TSBP1: variants seen among roughly 807,000 people sequenced by gnomAD.
The protein encoded by TSBP1 is testis-expressed basic protein 1.
In TSBP1, 56 loss-of-function variants were observed where a neutral mutation model predicts 68.8. The observed-to-expected ratio is 0.81, with a 90% confidence interval of 0.66 to 1.02. TSBP1 has a LOEUF of 1.02. Among genes scored for constraint, TSBP1 ranks in the 50% least tolerant of loss-of-function variants. TSBP1 has a pLI of 0.00. For synonymous variants in TSBP1, 171 were observed against 208.7 expected (o/e 0.82, Z 1.56); for missense variants, 502 against 641.2 (o/e 0.78, Z 2.34).
chr6:32,293,431 C>G, exon 23 of TSBP1: 1 of 1,613,052 alleles, frequency 6.2e-7, no homozygotes, highest in Non-Finnish European at 8.5e-7. Context: ...ACTCACTCTT[C>G]TCTACCTGGG....
intron 9 of TSBP1, among the ~76,000 whole-genome samples, chr6:32,345,329 G>A (rs947209022): frequency 6.6e-6 from 1 of 151,928 alleles, no homozygotes; most frequent in African/African-American, 2.4e-5. Context: ...ATGGTTCCTG[G>A]AATTGGCACT....
chr6:32,342,615 G>T (rs949772816), intron 9 of TSBP1, among the ~76,000 whole-genome samples: 2 of 152,180 alleles, frequency 1.3e-5, no homozygotes, highest in Non-Finnish European at 2.9e-5. Flanking sequence ...TCTAGAGTCT[G>T]CATACTTAAC....
At position 32,316,467 on chromosome 6, in the gene TSBP1, C is replaced by T. The variant is rs1465460793; in HGVS notation, c.560-675G>A. Reference sequence around the variant, plus strand: ...TTGTTTGAAAGGAGCAAGTTTCCTTCTAGGGAGAGATATTTGTGTTGGGGA... The same window carrying T: ...TTGTTTGAAAGGAGCAAGTTTCCTTTTAGGGAGAGATATTTGTGTTGGGGA... On this transcript the variant is annotated intron_variant, in intron 18 of 22. Coordinates refer to ENST00000612031, the Ensembl canonical transcript of TSBP1. This position sits in a 1 kb window ranked among gnomAD's most constrained non-coding sequence, Gnocchi z 4.5. 2 of 1,462,046 alleles carry T rather than the reference C, an allele frequency of 1.4e-6. No individual in the cohort carries two copies. The highest frequency in any genetic ancestry group is 1.9e-6 in the Non-Finnish European group (2 of 1,069,054). 90.6% of individuals were successfully genotyped at this position (1,462,046 alleles called of 1,614,324 possible). A position where few individuals can be genotyped will look rare whatever the true frequency, so the allele number is the denominator to read the frequency against.
intron 8 of TSBP1, among the ~76,000 whole-genome samples, chr6:32,350,514 C>G (rs895867103): frequency 6.6e-6 from 1 of 152,174 alleles, no homozygotes; most frequent in African/African-American, 2.4e-5. Flanking sequence ...AACCCATATT[C>G]TTGGTAATGA....
intron 9 of TSBP1, among the ~76,000 whole-genome samples, chr6:32,341,445 G>A (rs998533484): frequency 1.1e-4 from 17 of 152,106 alleles, no homozygotes; most frequent in African/African-American, 3.9e-4. Flanking sequence ...AGTTATAAGG[G>A]ATAGAGATGG....
Position 32,296,637 on chromosome 6 carries a change from C to T in TSBP1, c.638-2602G>A, listed in dbSNP as rs567465896. Among the ~76,000 whole-genome samples the T allele has an allele frequency of 2.9e-3, 447 of 152,274 alleles. 1 individual carries two copies. The highest frequency in any genetic ancestry group is 0.01 in the African/African-American group (416 of 41,566). On this transcript the variant is annotated intron_variant, in intron 22 of 22. Coordinates refer to ENST00000612031, the Ensembl canonical transcript of TSBP1. Reference sequence around the variant, plus strand: ...GGTGTGGAATGGTAAGATCATGCTCCGCTGAAGTTTCTAACCTTAAGAATT... The same window carrying T: ...GGTGTGGAATGGTAAGATCATGCTCTGCTGAAGTTTCTAACCTTAAGAATT...
At position 32,361,277 on chromosome 6, in the gene TSBP1, C is replaced by T. The variant is rs1456907407; in HGVS notation, c.217+4890G>A. 6.6e-6 allele frequency among the ~76,000 whole-genome samples: 1 copy of T among 152,100 alleles called. No homozygotes were observed. The highest frequency in any genetic ancestry group is 6.5e-5 in the Admixed American group (1 of 15,270). ...GCCACATATTCTTAATCTGGTGTAT[C>T]ATTGATGGACTTTTGGGTTGGTTCC... On this transcript the variant is annotated intron_variant, in intron 6 of 22. Coordinates refer to ENST00000612031, the Ensembl canonical transcript of TSBP1. The surrounding 1 kb of genome is among the most constrained non-coding windows in gnomAD (Gnocchi z 4.3).
At chr6:32,330,254 T>C (rs1326124146) in intron 16 of TSBP1, among the ~76,000 whole-genome samples, 1 of 152,212 alleles carries the variant, frequency 6.6e-6, no homozygotes, top group Non-Finnish European at 1.5e-5. Context: ...GTCTCCTCCA[T>C]TATCTTTGAG....
Position 32,337,154 on chromosome 6 carries a change from C to T in TSBP1, c.410-519G>A, listed in dbSNP as rs1769772706. On this transcript the variant is annotated intron_variant, in intron 11 of 22. Transcript: ENST00000612031. This position sits in a 1 kb window ranked among gnomAD's most constrained non-coding sequence, Gnocchi z 5.5. The stretch of plus-strand genomic sequence containing the variant: ...AAAATATGGAAAAAACAAAATAGAA[C>T]TAATGAGAAAATACTGTTTGCATTT... 6.6e-6 allele frequency among the ~76,000 whole-genome samples: 1 copy of T among 152,190 alleles called. No homozygotes were observed. The highest frequency in any genetic ancestry group is 1.5e-5 in the Non-Finnish European group (1 of 68,018).
rs2127579192 is a variant in TSBP1, at chr6:32,314,316, C to T, written c.580+1456G>A. Among the ~76,000 whole-genome samples the T allele has an allele frequency of 6.6e-6, 1 of 152,288 alleles. No homozygotes were observed. The highest frequency in any genetic ancestry group is 6.5e-5 in the Admixed American group (1 of 15,294). On this transcript the variant is annotated intron_variant, in intron 19 of 22. Transcript: ENST00000612031. This position sits in a 1 kb window ranked among gnomAD's most constrained non-coding sequence, Gnocchi z 4.2. ...GTTGGATTTTTACATTATTTCCCTG[C>T]CCATCCTCTTTGATGACTCCTCTGA...
At chr6:32,342,047 G>GTTT (rs1770419207) in intron 9 of TSBP1, among the ~76,000 whole-genome samples, 1 of 107,672 alleles carries the variant, frequency 9.3e-6, no homozygotes, top group Non-Finnish European at 2.0e-5. Context: ...TAGAAAATGT[G>GTTT]TTCTTTTTTT....
intron 4 of TSBP1, among the ~76,000 whole-genome samples, chr6:32,367,270 A>AGAGAGAGAGAGAGAGAGAGAGG (rs1773861299): frequency 6.6e-6 from 1 of 151,988 alleles, no homozygotes. Context: ...AGAGAAAGAG[A>AGAGAGAGAGAGAGAGAGAGAGG]GAGAGAGACA....
At chr6:32,366,060 TTTC>T (rs9281754) in intron 6 of TSBP1, 104 bp downstream of exon 6, 7 of 1,412,864 alleles carry the variant, frequency 5.0e-6, no homozygotes, top group Non-Finnish European at 6.9e-6. Flanking sequence ...ACTACTTTGA[TTTC>T]TTCTTCTTTT....
chr6:32,317,548 C>T (rs543131), intron 18 of TSBP1, among the ~76,000 whole-genome samples: 15,152 of 152,148 alleles, frequency 0.1, 1,137 homozygotes, highest in African/African-American at 0.19. Context: ...AAAGTTTTTG[C>T]AAACTATGCA....
At chr6:32,354,318 C>G (rs538347104) in intron 8 of TSBP1, among the ~76,000 whole-genome samples, 1 of 151,970 alleles carries the variant, frequency 6.6e-6, no homozygotes, top group African/African-American at 2.4e-5. Flanking sequence ...AGCTAGTAAG[C>G]CTATGAGAAG....
At chr6:32,370,715 T>C (rs1366903389) in intron 1 of TSBP1, among the ~76,000 whole-genome samples, 3 of 151,996 alleles carry the variant, frequency 2.0e-5, no homozygotes, top group Non-Finnish European at 4.4e-5. Flanking sequence ...TTGCTTAACT[T>C]GTGTTTGTTT....
chr6:32,360,230 C>T (rs1772842001), intron 6 of TSBP1, among the ~76,000 whole-genome samples: 1 of 151,778 alleles, frequency 6.6e-6, no homozygotes, highest in Admixed American at 6.6e-5. Flanking sequence ...CTGCTGAGTT[C>T]AACTTTTTAA....
chr6:32,336,557 A>G lies in TSBP1; in HGVS notation c.430+58T>C, dbSNP rs78603516. 15,510 of 1,445,578 alleles carry G rather than the reference A, an allele frequency of 0.011. 214 individuals carry two copies. The highest frequency in any genetic ancestry group is 0.047 in the South Asian group (4,114 of 87,402). The allele number at this position is 1,445,578 out of a possible 1,614,324, so 89.5% of individuals were successfully genotyped here. On this transcript the variant is annotated intron_variant, in intron 12 of 22. Transcript: ENST00000612031. The surrounding 1 kb of genome is among the most constrained non-coding windows in gnomAD (Gnocchi z 5.2). The stretch of plus-strand genomic sequence containing the variant: ...AAAATGCAGGGCAGATCAGGCCCCA[A>G]GACCTTGTAGGTCAGATATCAAAGG...
chr6:32,362,244 G>A (rs9268323), intron 6 of TSBP1, among the ~76,000 whole-genome samples: 42,958 of 144,048 alleles, frequency 0.3, 7,196 homozygotes, highest in African/African-American at 0.45. Flanking sequence ...AGCCGAGATC[G>A]CGCCACTGCA....
Sources: gnomAD v4.1 joint callset for allele counts (sites outside exome capture counted in the v4.1 genomes callset) on GRCh38, gnomAD v4.1.1 for gene constraint, Gnocchi (gnomAD v3.1) non-coding constraint, MANE v1.5 for transcripts, NCBI Gene and HGNC (gene_info 2026-07-23, HGNC 2026-07-21) for gene names.